The following STX18 variants were observed in gnomAD, a reference collection of about 807,000 sequenced individuals.
The protein encoded by STX18 is syntaxin-18.
A neutral mutation model predicts 50.1 loss-of-function variants in STX18; 40 were observed. That is an observed-to-expected ratio of 0.80 (90% CI 0.62 to 1.04). The LOEUF (loss-of-function observed/expected upper bound fraction) is 1.04, where lower values mean the gene tolerates loss of function less well. Among genes scored for constraint, STX18 ranks in the 50% least tolerant of loss-of-function variants. The pLI, the probability that STX18 is intolerant of heterozygous loss-of-function variation, is 0.00. For missense variants in STX18, 410 were observed against 415.8 expected (o/e 0.99, Z 0.12); for synonymous variants, 158 against 151.8 (o/e 1.04, Z -0.30).
chr4:4,429,392 C>A (rs1334632526), intron 7 of STX18, among the ~76,000 whole-genome samples: 1 of 152,186 alleles, frequency 6.6e-6, no homozygotes, highest in Non-Finnish European at 1.5e-5. Flanking sequence ...CTTTTCTAAT[C>A]TAATCCTCTT....
rs1199786756 is a variant in STX18, at chr4:4,425,486, T to A, written c.703-264A>T. The A allele has an allele frequency of 5.2e-6, 3 of 574,648 alleles. No homozygotes were observed. In the South Asian group the frequency reaches 6.4e-5, roughly 12 times the overall value. The allele number at this position is 574,648 out of a possible 1,614,324, so 35.6% of individuals were successfully genotyped here. A position where few individuals can be genotyped will look rare whatever the true frequency, so the allele number is the denominator to read the frequency against. ...CACTCCAGGGGTACAAGCTGACTGC[T>A]ATGGCTGTAGCTGTATCTACCTACC... On this transcript the variant is annotated intron_variant, in intron 7 of 10. Coordinates refer to ENST00000306200, the MANE Select transcript of STX18 (RefSeq NM_016930.4).
intron 1 of STX18, among the ~76,000 whole-genome samples, chr4:4,477,459 C>T (rs893645366): frequency 6.6e-6 from 1 of 152,126 alleles, no homozygotes; most frequent in African/African-American, 2.4e-5. Context: ...AAAACAACAA[C>T]AAAACTTTCA....
At chr4:4,506,115 C>T (rs941602719) in intron 1 of STX18, among the ~76,000 whole-genome samples, 5 of 152,100 alleles carry the variant, frequency 3.3e-5, no homozygotes, top group African/African-American at 7.2e-5. Flanking sequence ...TGAATGATGC[C>T]GCTATGAACA....
intron 5 of STX18, among the ~76,000 whole-genome samples, chr4:4,444,640 C>T (rs1164955806): frequency 6.6e-6 from 1 of 152,202 alleles, no homozygotes; most frequent in African/African-American, 2.4e-5. Flanking sequence ...TGATTTTAAT[C>T]TGTATTCTTT....
intron 1 of STX18, among the ~76,000 whole-genome samples, chr4:4,506,850 T>C (rs1729731910): frequency 1.3e-5 from 2 of 152,182 alleles, no homozygotes; most frequent in South Asian, 2.1e-4. Flanking sequence ...ACCTTTCTTT[T>C]TGTGATGAAG....
chr4:4,538,718 C>T (rs115998489), intron 1 of STX18, among the ~76,000 whole-genome samples: 95 of 151,996 alleles, frequency 6.3e-4, no homozygotes, highest in Non-Finnish European at 2.6e-4. Flanking sequence ...AAATGGAAAA[C>T]GAGAGTCAGA....
At chr4:4,492,569 T>C (rs1728989663) in intron 1 of STX18, among the ~76,000 whole-genome samples, 1 of 152,192 alleles carries the variant, frequency 6.6e-6, no homozygotes, top group African/African-American at 2.4e-5. Flanking sequence ...TTTGTTTTTA[T>C]TAGGAAACTG....
chr4:4,482,075 G>A (rs557533401), intron 1 of STX18, among the ~76,000 whole-genome samples: 5 of 152,060 alleles, frequency 3.3e-5, no homozygotes, highest in African/African-American at 1.2e-4. Flanking sequence ...AGCCTCCCTC[G>A]GGTTCCAGAA....
Position 4,419,062 on chromosome 4 carries a change from G to A in STX18, c.*972C>T, listed in dbSNP as rs865873506. ...GCAAATAAAGAACATGAGGATACCT[G>A]TGCTGCCCAGTGGACTGTCTGTACA... is the stretch of plus-strand genomic sequence containing the variant. On this transcript the variant is annotated 3_prime_UTR_variant, in exon 11 of 11. Transcript: ENST00000306200. The A allele has an allele frequency of 1.3e-5, 2 of 152,288 alleles. No homozygotes were observed. The highest frequency in any genetic ancestry group is 2.9e-5 in the Non-Finnish European group (2 of 68,058). The allele number at this position is 152,288 out of a possible 1,614,324, so 9.4% of individuals were successfully genotyped here.
upstream of STX18, chr4:4,542,217 T>C (rs1221166397): frequency 8.8e-6 from 4 of 456,064 alleles, no homozygotes; most frequent in Admixed American, 8.8e-5. Flanking sequence ...CCAGCAAAGC[T>C]TGGAGGGTTT....
chr4:4,540,978 T>C (rs1248877221), intron 1 of STX18, among the ~76,000 whole-genome samples: 2 of 152,172 alleles, frequency 1.3e-5, no homozygotes, highest in Non-Finnish European at 2.9e-5. Context: ...GACAGAACTA[T>C]ATAAGCTGTA....
chr4:4,462,680 AG>A (rs1375634876), intron 2 of STX18, among the ~76,000 whole-genome samples: 1 of 151,988 alleles, frequency 6.6e-6, no homozygotes, highest in Non-Finnish European at 1.5e-5. Flanking sequence ...TGGACAACAT[AG>A]CAAAACCACC....
intron 6 of STX18, among the ~76,000 whole-genome samples, chr4:4,435,453 T>C (rs1725726305): frequency 6.6e-6 from 1 of 152,214 alleles, no homozygotes; most frequent in Non-Finnish European, 1.5e-5. Context: ...CAGTTTTGTG[T>C]GTATGGCGGC....
At chr4:4,439,239 AC>A (rs1197330068) in intron 5 of STX18, among the ~76,000 whole-genome samples, 11 of 104,754 alleles carry the variant, frequency 1.1e-4, no homozygotes, top group African/African-American at 7.8e-4. Context: ...ATACACACAC[AC>A]CACATACATA....
chr4:4,527,840 TTA>T (rs200369697), intron 1 of STX18, among the ~76,000 whole-genome samples: 19 of 142,164 alleles, frequency 1.3e-4, no homozygotes, highest in Admixed American at 8.5e-4. Flanking sequence ...ATATATGTCT[TTA>T]TATATATATA....
chr4:4,452,022 A>C (rs1726780116), intron 5 of STX18, among the ~76,000 whole-genome samples: 1 of 152,258 alleles, frequency 6.6e-6, no homozygotes, highest in Non-Finnish European at 1.5e-5. Context: ...ACTCCAGTGA[A>C]TATCCAAATG....
At chr4:4,489,908 T>A (rs1224764350) in intron 1 of STX18, among the ~76,000 whole-genome samples, 1 of 152,220 alleles carries the variant, frequency 6.6e-6, no homozygotes, top group African/African-American at 2.4e-5. Flanking sequence ...AAATTTAAGG[T>A]CCTGTATCTG....
At chr4:4,489,414 T>TTTTTTA (rs1318219029) in intron 1 of STX18, among the ~76,000 whole-genome samples, 1 of 121,802 alleles carries the variant, frequency 8.2e-6, no homozygotes, top group Non-Finnish European at 1.7e-5. Flanking sequence ...TTTTTTTTTT[T>TTTTTTA]TTTTTTTTTT....
At chr4:4,486,634 G>T (rs527863611) in intron 1 of STX18, among the ~76,000 whole-genome samples, 4 of 152,250 alleles carry the variant, frequency 2.6e-5, no homozygotes, top group Admixed American at 2.6e-4. Context: ...ACTGGCTTGA[G>T]GACTCATTAG....
Sources: gnomAD v4.1 joint callset for allele counts (sites outside exome capture counted in the v4.1 genomes callset) on GRCh38, gnomAD v4.1.1 for gene constraint, MANE v1.5 for transcripts, NCBI Gene and HGNC (gene_info 2026-07-23, HGNC 2026-07-21) for gene names.